Variants in SLC25A46 observed in about 807,000 individuals in gnomAD.
SLC25A46 encodes the protein solute carrier family 25 member 46, also known as mitochondrial outer membrane protein SLC25A46.
Under a neutral mutation model 44.6 loss-of-function variants are expected in SLC25A46, and 39 were observed. The ratio of observed to expected loss-of-function variants is 0.87; its 90% confidence interval spans 0.68 to 1.14. SLC25A46 has a LOEUF of 1.14. Ranked by LOEUF, SLC25A46 falls within the 50% of genes most tolerant of loss-of-function variation. The probability of loss-of-function intolerance (pLI) is 0.00; values close to 1 mark genes in which losing one functional copy is unlikely to be tolerated. For missense variants in SLC25A46, 547 were observed against 522.7 expected, an observed-to-expected ratio of 1.05 and a Z score of -0.45; for synonymous variants, 202 against 185.8, an observed-to-expected ratio of 1.09 and a Z score of -0.71.
At chr5:110,759,295 G>T (rs919724790) in intron 7 of SLC25A46, among the ~76,000 whole-genome samples, 1 of 152,126 alleles carries the variant, frequency 6.6e-6, no homozygotes, top group Non-Finnish European at 1.5e-5. Context: ...ATAAGTAAAG[G>T]TCTCACTGAG....
chr5:110,744,074 A>C (rs1272652426), intron 3 of SLC25A46, among the ~76,000 whole-genome samples: 2 of 152,194 alleles, frequency 1.3e-5, no homozygotes, highest in African/African-American at 2.4e-5. Flanking sequence ...TTAGTAAGAT[A>C]ATATGTTTTT....
At chr5:110,738,997 T>G, upstream of SLC25A46, 2 of 1,465,024 alleles carry the variant, frequency 1.4e-6, no homozygotes, top group Non-Finnish European at 1.8e-6. Context: ...CAACGTGACT[T>G]CCGGTTGTCA....
chr5:110,744,549 T>C (rs1410950346), intron 3 of SLC25A46, among the ~76,000 whole-genome samples: 4 of 152,228 alleles, frequency 2.6e-5, no homozygotes, highest in Non-Finnish European at 2.9e-5. Flanking sequence ...CAAAAAATCA[T>C]CTTCATTAAA....
At chr5:110,759,456 GCTAA>G (rs1800194179) in intron 7 of SLC25A46, among the ~76,000 whole-genome samples, 2 of 152,118 alleles carry the variant, frequency 1.3e-5, no homozygotes, top group East Asian at 1.9e-4. Flanking sequence ...TGTGGCTGGT[GCTAA>G]CTAAGCACAA....
intron 4 of SLC25A46, among the ~76,000 whole-genome samples, chr5:110,746,770 G>T (rs771096605): frequency 1.3e-5 from 2 of 152,176 alleles, no homozygotes; most frequent in East Asian, 3.8e-4. Flanking sequence ...TGTGCTTCTT[G>T]TTGAGAAGTC....
intron 3 of SLC25A46, among the ~76,000 whole-genome samples, chr5:110,745,354 C>T (rs1799789473): frequency 1.3e-5 from 2 of 152,120 alleles, no homozygotes; most frequent in East Asian, 1.9e-4. Flanking sequence ...CCTGGGTTCA[C>T]GCCATTCTCC....
intron 5 of SLC25A46, chr5:110,754,803 C>T (rs1800065630): frequency 6.6e-6 from 1 of 152,148 alleles, no homozygotes; most frequent in South Asian, 2.1e-4. Context: ...GGGTTTAGAA[C>T]AGAGTTCCAC....
At chr5:110,758,558 G>A (rs1032769129) in intron 7 of SLC25A46, among the ~76,000 whole-genome samples, 10 of 151,780 alleles carry the variant, frequency 6.6e-5, no homozygotes, top group Non-Finnish European at 1.5e-4. Context: ...GGCCTAGGTG[G>A]GCGGATCATG....
At chr5:110,739,567 C>T (rs543114685) in intron 1 of SLC25A46, among the ~76,000 whole-genome samples, 165 bp downstream of exon 1, 3 of 152,326 alleles carry the variant, frequency 2.0e-5, no homozygotes, top group Non-Finnish European at 2.9e-5. Context: ...TGAGGCTGGC[C>T]TCCTCTTCCT....
chr5:110,738,899 G>A (rs1799501153), upstream of SLC25A46: 1 of 1,250,896 alleles, frequency 8.0e-7, no homozygotes, highest in South Asian at 1.6e-5. Context: ...TTAAGGTCCA[G>A]GTTACCGCCG....
At chr5:110,750,477 A>C (rs2150412483) in intron 5 of SLC25A46, among the ~76,000 whole-genome samples, 1 of 152,124 alleles carries the variant, frequency 6.6e-6, no homozygotes, top group South Asian at 2.1e-4. Context: ...TGATTCCAGG[A>C]CCCCCAGTGG....
Position 110,739,074 on chromosome 5 carries a change from T to A in SLC25A46, c.-46T>A. ...TGTGCTTAGGTCGTGGTGGCCCCGG[T>A]GGTGGTGGGCTCCGGGCGGGCTCGC... On this transcript the variant is annotated 5_prime_UTR_variant, in exon 1 of 8. Coordinates refer to ENST00000355943, the MANE Select transcript of SLC25A46 (RefSeq NM_138773.4). 1 of 1,531,474 alleles carries A rather than the reference T, an allele frequency of 6.5e-7. No individual in the cohort carries two copies. Among genetic ancestry groups the A allele is most frequent in the South Asian group, 1.2e-5 (1 of 83,280 alleles). 94.9% of individuals were successfully genotyped at this position (1,531,474 alleles called of 1,614,324 possible).
intron 7 of SLC25A46, among the ~76,000 whole-genome samples, chr5:110,757,635 TGAAGTTAGTGTCTTGC>T (rs1435296402): frequency 6.6e-6 from 1 of 152,160 alleles, no homozygotes; most frequent in Admixed American, 6.6e-5. Flanking sequence ...TTCAGTTAAC[TGAAGTTAGTGTCTTGC>T]GACCCAAATC....
rs1337133643 is a variant in SLC25A46, at chr5:110,761,234, T to C, written c.709T>C (p.Leu237=). The C allele has an allele frequency of 3.1e-6, 5 of 1,608,432 alleles. No individual in the cohort carries two copies. The African/African-American group carries it at 4.0e-5, about 13-fold the overall frequency. The change falls in exon 8 of 8, where the codon TTG becomes CTG. Residue 237 remains leucine (L), a synonymous_variant. Coordinates refer to ENST00000355943, the MANE Select transcript of SLC25A46 (RefSeq NM_138773.4). The surrounding 1 kb of genome is among the most constrained non-coding windows in gnomAD (Gnocchi z 5.3). ...SEIIRDNTGI[L]ECVKEGIGRV... ...GATAATTCGAGATAATACTGGCATT[T>C]TGGAGTGTGTTAAAGAAGGAATTGG... is the stretch of plus-strand genomic sequence containing the variant.
chr5:110,739,830 C>T (rs1799594679), intron 1 of SLC25A46, among the ~76,000 whole-genome samples: 1 of 152,134 alleles, frequency 6.6e-6, no homozygotes, highest in Non-Finnish European at 1.5e-5. Flanking sequence ...TGGGTTCAAA[C>T]TTGGTTGTGC....
chr5:110,748,350 G>T, intron 5 of SLC25A46, 87 bp downstream of exon 5: 1 of 1,022,002 alleles, frequency 9.8e-7, no homozygotes. Context: ...CTTGTTACAT[G>T]GGTATATTGT....
At chr5:110,756,672 A>T (rs768045763) in intron 6 of SLC25A46, 30 bp from the exon 7 acceptor site, 1 of 1,482,516 alleles carries the variant, frequency 6.7e-7, no homozygotes, top group Non-Finnish European at 9.1e-7. Context: ...TTGTTTCAGT[A>T]TACTGATAAA....
chr5:110,739,233 C>A lies in SLC25A46; in HGVS notation c.114C>A (p.Asp38Glu). Reference sequence around the variant, plus strand: ...CAAGGTCCTTCAGCACCGGGTCGGACCTGGGCCACTGGGTGACGACTCCCC... The same window carrying A: ...CAAGGTCCTTCAGCACCGGGTCGGAACTGGGCCACTGGGTGACGACTCCCC... ...FPARSFSTGS[D>E]LGHWVTTPPD... is the part of the protein sequence containing the mutation. The change falls in exon 1 of 8, where the codon GAC becomes GAA. Residue 38 changes from aspartate to glutamate, a missense_variant. Asp to Glu is a conservative substitution (Grantham distance 45). Transcript: ENST00000355943. 1 of 1,579,254 alleles carries A rather than the reference C, an allele frequency of 6.3e-7. No homozygotes were observed. The highest frequency in any genetic ancestry group is 8.6e-7 in the Non-Finnish European group (1 of 1,163,176).
chr5:110,743,841 G>C (rs1281542500), intron 3 of SLC25A46, 54 bp downstream of exon 3: 2 of 1,334,308 alleles, frequency 1.5e-6, no homozygotes, highest in Non-Finnish European at 1.1e-6. Flanking sequence ...CTAATATGAA[G>C]GGCAGAACTC....
Sources: allele counts gnomAD v4.1 joint callset (sites outside exome capture counted in the v4.1 genomes callset), GRCh38; gene constraint gnomAD v4.1.1; non-coding constraint Gnocchi (gnomAD v3.1); transcripts MANE v1.5; gene names NCBI Gene and HGNC (gene_info 2026-07-23, HGNC 2026-07-21).